Variants in BLTP3A observed in about 807,000 individuals in gnomAD.
BLTP3A encodes ICBP90 binding protein 1.
chr6:34,858,402 C>G, the BLTP3A span: 2 of 1,614,080 alleles, frequency 1.2e-6, no homozygotes, highest in Non-Finnish European at 1.7e-6. Context: ...CTAATACCCT[C>G]CCTCCCCAGA....
the BLTP3A span, among the ~76,000 whole-genome samples, chr6:34,850,546 T>A: frequency 6.6e-6 from 1 of 152,170 alleles, no homozygotes; most frequent in African/African-American, 2.4e-5. Flanking sequence ...TCATTCTTTT[T>A]TATTCTTTTT....
At chr6:34,821,879 A>G in the BLTP3A span, 1 of 1,614,210 alleles carries the variant, frequency 6.2e-7, no homozygotes, top group Admixed American at 1.7e-5. Context: ...CTGGAGGGTC[A>G]GCTACCACAG....
At chr6:34,812,220 C>T in the BLTP3A span, among the ~76,000 whole-genome samples, 5 of 150,818 alleles carry the variant, frequency 3.3e-5, no homozygotes, top group African/African-American at 1.2e-4. Flanking sequence ...CCCAACTACT[C>T]GGGAGGCTGA....
At chr6:34,814,468 T>C in the BLTP3A span, among the ~76,000 whole-genome samples, 3 of 152,256 alleles carry the variant, frequency 2.0e-5, no homozygotes, top group Non-Finnish European at 2.9e-5. Flanking sequence ...TGAAAAAGCG[T>C]ATATATGTTA....
At chr6:34,812,221 G>T in the BLTP3A span, among the ~76,000 whole-genome samples, 1 of 151,678 alleles carries the variant, frequency 6.6e-6, no homozygotes, top group Non-Finnish European at 1.5e-5. Context: ...CCAACTACTC[G>T]GGAGGCTGAG....
At chr6:34,844,125 C>G in the BLTP3A span, among the ~76,000 whole-genome samples, 2 of 151,992 alleles carry the variant, frequency 1.3e-5, no homozygotes, top group East Asian at 3.9e-4. Flanking sequence ...GGACTACAGG[C>G]GCCTGCCACC....
the BLTP3A span, among the ~76,000 whole-genome samples, chr6:34,833,411 A>ATT: frequency 6.8e-6 from 1 of 146,818 alleles, no homozygotes; most frequent in Admixed American, 6.8e-5. Context: ...ATCATTGAAG[A>ATT]TTTTTTTTTT....
chr6:34,803,290 A>G, the BLTP3A span, among the ~76,000 whole-genome samples: 13 of 151,974 alleles, frequency 8.6e-5, no homozygotes, highest in Admixed American at 2.0e-4. Context: ...GTGACTTAGT[A>G]TGAAATTTCT....
the BLTP3A span, among the ~76,000 whole-genome samples, chr6:34,860,916 C>T: frequency 2.0e-5 from 3 of 152,168 alleles, no homozygotes; most frequent in African/African-American, 7.2e-5. Flanking sequence ...ACTGCCCAAG[C>T]CCGTGGCCTT....
the BLTP3A span, among the ~76,000 whole-genome samples, chr6:34,840,287 C>T: frequency 6.6e-6 from 1 of 151,744 alleles, no homozygotes; most frequent in East Asian, 2.0e-4. Flanking sequence ...CTTGGTGGCT[C>T]ACGCGTGTAA....
the BLTP3A span, among the ~76,000 whole-genome samples, chr6:34,866,570 A>T: frequency 5.9e-5 from 9 of 152,202 alleles, no homozygotes; most frequent in Non-Finnish European, 1.3e-4. Context: ...AAATTTTTTT[A>T]AATTGTGGTA....
chr6:34,835,387 A>G, the BLTP3A span: 1 of 1,614,032 alleles, frequency 6.2e-7, no homozygotes, highest in African/African-American at 1.3e-5. Flanking sequence ...GGCTATGATG[A>G]AGTATGCAGA....
the BLTP3A span, among the ~76,000 whole-genome samples, chr6:34,813,812 A>G: frequency 6.6e-6 from 1 of 152,200 alleles, no homozygotes; most frequent in East Asian, 1.9e-4. Context: ...TTTTATCATC[A>G]CGTTGCTGCA....
the BLTP3A span, chr6:34,875,251 A>G: frequency 1.3e-5 from 2 of 152,662 alleles, no homozygotes; most frequent in East Asian, 3.9e-4. Context: ...TCCCTCAACA[A>G]ACTACTCCTT....
At chr6:34,857,376 C>T in the BLTP3A span, 1 of 1,614,214 alleles carries the variant, frequency 6.2e-7, no homozygotes, top group South Asian at 1.1e-5. Flanking sequence ...CACTCCTTTC[C>T]TGCAGTCGGA....
At chr6:34,818,202 C>G in the BLTP3A span, among the ~76,000 whole-genome samples, 1 of 152,144 alleles carries the variant, frequency 6.6e-6, no homozygotes, top group Non-Finnish European at 1.5e-5. Context: ...GGTACAATGG[C>G]TCACATCTGT....
At chr6:34,859,501 G>A in the BLTP3A span, 1 of 1,614,158 alleles carries the variant, frequency 6.2e-7, no homozygotes, top group Non-Finnish European at 8.5e-7. Context: ...CCTGACTAAG[G>A]ATGCCTTCAG....
the BLTP3A span, chr6:34,857,230 A>T: frequency 7.2e-7 from 1 of 1,388,338 alleles, no homozygotes; most frequent in Non-Finnish European, 9.9e-7. Context: ...CCTGTGACAG[A>T]CTTCAGAGGG....
At chr6:34,845,920 A>G in the BLTP3A span, among the ~76,000 whole-genome samples, 1 of 151,940 alleles carries the variant, frequency 6.6e-6, no homozygotes, top group African/African-American at 2.4e-5. Context: ...TTTTATAGAA[A>G]TGAAGTCTCC....
Sources: allele counts gnomAD v4.1 joint callset (sites outside exome capture counted in the v4.1 genomes callset), GRCh38; gene constraint gnomAD v4.1.1; transcripts MANE v1.5; gene names NCBI Gene and HGNC (gene_info 2026-07-23, HGNC 2026-07-21).